Variants in KCNQ1 observed in about 807,000 individuals in gnomAD.
KCNQ1 encodes the protein potassium voltage-gated channel subfamily Q member 1.
Under a neutral mutation model 72.4 loss-of-function variants are expected in KCNQ1, and 49 were observed. That is an observed-to-expected ratio of 0.68 (90% CI 0.54 to 0.86). The LOEUF is 0.86. KCNQ1 is among the 40% of genes least tolerant of loss of function. KCNQ1 has a pLI of 0.00. For synonymous variants in KCNQ1, 450 were observed against 412.6 expected (o/e 1.09, Z -1.10); for missense variants, 790 against 945.1 (o/e 0.84, Z 2.15).
At chr11:2,524,597 A>G (rs1847462246) in intron 1 of KCNQ1, among the ~76,000 whole-genome samples, 1 of 152,164 alleles carries the variant, frequency 6.6e-6, no homozygotes, top group South Asian at 2.1e-4. Flanking sequence ...AACAGACAGC[A>G]ACTTAGTGGA....
chr11:2,628,554 A>T (rs1849297875), intron 10 of KCNQ1: 2 of 398,294 alleles, frequency 5.0e-6, no homozygotes, highest in African/African-American at 4.1e-5. Flanking sequence ...AGCTTATCAG[A>T]TATATGGTTG....
Position 2,579,083 on chromosome 11 carries a change from G to A in KCNQ1, c.922-4352G>A, listed in dbSNP as rs1251107654. ...AGCCAGGACCACCCCTTCCTTCTGG[G>A]CAAATGACTACCACGTTTCCAGCCG... On this transcript the variant is annotated intron_variant, in intron 6 of 15. Coordinates refer to ENST00000155840, the MANE Select transcript of KCNQ1 (RefSeq NM_000218.3). The surrounding 1 kb of genome is among the most constrained non-coding windows in gnomAD (Gnocchi z 6.0). Among the ~76,000 whole-genome samples, 1 of 152,158 alleles carries A rather than the reference G, an allele frequency of 6.6e-6. No homozygotes were observed. The highest frequency in any genetic ancestry group is 2.4e-5 in the African/African-American group (1 of 41,438).
chr11:2,585,223 CTCGGGGTTT>C lies in KCNQ1; in HGVS notation c.1045_1053del (p.Ser349_Phe351del). 1 of 1,614,072 alleles carries C rather than the reference CTCGGGGTTT, an allele frequency of 6.2e-7. No individual in the cohort carries two copies. The highest frequency in any genetic ancestry group is 1.1e-5 in the South Asian group (1 of 91,086). ...CCATTCCTTCCCAGGGGATTCTTGG[CTCGGGGTTT>C]GCCCTGAAGGTGCAGCAGAAGCAGA... On this transcript the variant is annotated inframe_deletion, in exon 8 of 16. Transcript: ENST00000155840.
intron 11 of KCNQ1, chr11:2,693,153 C>T (rs1487563155): frequency 5.0e-6 from 2 of 398,716 alleles, no homozygotes; most frequent in Non-Finnish European, 8.8e-6. Context: ...CCTCAGTCTA[C>T]ACTCTGTGAT....
At chr11:2,583,267 C>T (rs530413556) in intron 6 of KCNQ1, among the ~76,000 whole-genome samples, 168 bp from the exon 7 acceptor site, 7 of 152,252 alleles carry the variant, frequency 4.6e-5, no homozygotes, top group African/African-American at 1.7e-4. Flanking sequence ...CATGTGCCAT[C>T]CCGCGGCTCT....
rs1382544129 is a variant in KCNQ1, at chr11:2,782,542, T to G, written c.1794+4505T>G. On this transcript the variant is annotated intron_variant, in intron 15 of 15. Coordinates refer to ENST00000155840, the MANE Select transcript of KCNQ1 (RefSeq NM_000218.3). This position sits in a 1 kb window ranked among gnomAD's most constrained non-coding sequence, Gnocchi z 6.1. ...TTAGAATTTTATTTTCCTCAAATGT[T>G]TGGTGGAATTTAAAGGTAAAGACAT... Among the ~76,000 whole-genome samples, 1 of 152,204 alleles carries G rather than the reference T, an allele frequency of 6.6e-6. No homozygotes were observed. Among genetic ancestry groups the G allele is most frequent in the Non-Finnish European group, 1.5e-5 (1 of 68,034 alleles).
rs202061193 is a variant in KCNQ1 at position 2,493,987 on chromosome 11, A to AT, written c.387-33933dup. On this transcript the variant is annotated intron_variant, in intron 1 of 15. Transcript: ENST00000155840. This position sits in a 1 kb window ranked among gnomAD's most constrained non-coding sequence, Gnocchi z 5.3. ...GATTATTCCTATCCATGAGCATGGA[A>AT]TTTTTTTTCCATTTGTTTGTGTCCT... Among the ~76,000 whole-genome samples the AT allele has an allele frequency of 1.3e-5, 2 of 151,884 alleles. No individual in the cohort carries two copies. Among genetic ancestry groups the AT allele is most frequent in the Non-Finnish European group, 2.9e-5 (2 of 67,966 alleles).
At chr11:2,467,937 G>C (rs576697758) in intron 1 of KCNQ1, among the ~76,000 whole-genome samples, 1 of 152,234 alleles carries the variant, frequency 6.6e-6, no homozygotes, top group African/African-American at 2.4e-5. Context: ...AGGGCAGGGA[G>C]GCTGATGGGC....
At chr11:2,701,155 C>T (rs376743066) in intron 11 of KCNQ1, among the ~76,000 whole-genome samples, 16 of 152,368 alleles carry the variant, frequency 1.1e-4, no homozygotes, top group African/African-American at 3.8e-4. Flanking sequence ...TCTTCACTGC[C>T]TCTGCCGAAA....
In KCNQ1 at chr11:2,725,253, G is replaced by A. The variant is rs1256575375; in HGVS notation, c.1515-43591G>A. Among the ~76,000 whole-genome samples, 4 of 152,248 alleles carry A rather than the reference G, an allele frequency of 2.6e-5. No homozygotes were observed. Among genetic ancestry groups the A allele is most frequent in the African/African-American group, 9.6e-5 (4 of 41,460 alleles). On this transcript the variant is annotated intron_variant, in intron 11 of 15. Coordinates refer to ENST00000155840, the MANE Select transcript of KCNQ1 (RefSeq NM_000218.3). This position sits in a 1 kb window ranked among gnomAD's most constrained non-coding sequence, Gnocchi z 7.2. Reference sequence around the variant, plus strand: ...AAGTTCCCAGAATCCATCCGGGACAGACGGCTGGACTTGTGAAACACTCCA... The same window carrying A: ...AAGTTCCCAGAATCCATCCGGGACAAACGGCTGGACTTGTGAAACACTCCA...
chr11:2,447,584 A>T lies in KCNQ1; in HGVS notation c.386+2100A>T, dbSNP rs762847915. ...CAGTCTCTTGAGGGGAGACCTGGTC[A>T]TAGAACCAGGATGGCAGAGTAGCTG... On this transcript the variant is annotated intron_variant, in intron 1 of 15. Coordinates refer to ENST00000155840, the MANE Select transcript of KCNQ1 (RefSeq NM_000218.3). This position sits in a 1 kb window ranked among gnomAD's most constrained non-coding sequence, Gnocchi z 7.6. Among the ~76,000 whole-genome samples the T allele has an allele frequency of 7.9e-5, 12 of 152,130 alleles. No individual in the cohort carries two copies. The highest frequency in any genetic ancestry group is 1.3e-4 in the Non-Finnish European group (9 of 68,014).
In KCNQ1 at chr11:2,817,389, C is replaced by T. The variant is rs1315418279; in HGVS notation, c.1795-30378C>T. Among the ~76,000 whole-genome samples, 1 of 151,986 alleles carries T rather than the reference C, an allele frequency of 6.6e-6. No individual in the cohort carries two copies. The highest frequency in any genetic ancestry group is 2.1e-4 in the South Asian group (1 of 4,834). ...CCCCAGGAGGAGAATCACACCAGTG[C>T]CCCCTGACCCCCAGCCTTGTGCAGA... On this transcript the variant is annotated intron_variant, in intron 15 of 15. Transcript: ENST00000155840. The surrounding 1 kb of genome is among the most constrained non-coding windows in gnomAD (Gnocchi z 6.1).
intron 11 of KCNQ1, chr11:2,666,048 C>T: frequency 2.5e-6 from 1 of 398,666 alleles, no homozygotes; most frequent in East Asian, 3.6e-5. Flanking sequence ...AGATAGACGG[C>T]CCAAGAGGAC....
In KCNQ1 at chr11:2,515,217, C is replaced by T. The variant is rs117017419; in HGVS notation, c.387-12711C>T. On this transcript the variant is annotated intron_variant, in intron 1 of 15. Transcript: ENST00000155840. The surrounding 1 kb of genome is among the most constrained non-coding windows in gnomAD (Gnocchi z 4.7). ...TTGGAGTCCCAGAGTGACCTTTCTC[C>T]GTCTTTCTGTCCAAGCATCCCATCT... is the stretch of plus-strand genomic sequence containing the variant. Among the ~76,000 whole-genome samples, 2,475 of 152,242 alleles carry T rather than the reference C, an allele frequency of 0.016. 28 individuals carry two copies. The highest frequency in any genetic ancestry group is 0.023 in the Non-Finnish European group (1,591 of 68,006).
intron 6 of KCNQ1, among the ~76,000 whole-genome samples, chr11:2,573,519 G>A (rs1031041558): frequency 2.0e-5 from 3 of 152,218 alleles, no homozygotes; most frequent in Admixed American, 6.5e-5. Flanking sequence ...GAGAGCCCCC[G>A]TGTTTCCAGT....
intron 10 of KCNQ1, among the ~76,000 whole-genome samples, chr11:2,605,226 C>T (rs1848862688): frequency 6.6e-6 from 1 of 152,140 alleles, no homozygotes; most frequent in African/African-American, 2.4e-5. Flanking sequence ...AATATTTTCT[C>T]CCATCTGTAG....
chr11:2,467,873 C>T (rs1224186546), intron 1 of KCNQ1, among the ~76,000 whole-genome samples: 1 of 152,242 alleles, frequency 6.6e-6, no homozygotes, highest in South Asian at 2.1e-4. Flanking sequence ...GCCACCCGCA[C>T]TGGGGCTGCT....
At chr11:2,819,422 T>G (rs1490093220) in intron 15 of KCNQ1, among the ~76,000 whole-genome samples, 1 of 152,136 alleles carries the variant, frequency 6.6e-6, no homozygotes, top group African/African-American at 2.4e-5. Flanking sequence ...AGGGTAGAAG[T>G]CCAGTTGAAA....
Position 2,813,574 on chromosome 11 carries a change from A to G in KCNQ1, c.1795-34193A>G, listed in dbSNP as rs1032768005. 6.6e-6 allele frequency among the ~76,000 whole-genome samples: 1 copy of G among 152,152 alleles called. No individual in the cohort carries two copies. The highest frequency in any genetic ancestry group is 1.5e-5 in the Non-Finnish European group (1 of 68,010). ...CTGGAGCCATTCAGCCACATGGAGTATGTCCTCTGTCGAGGGGGCAGGGAC... is the reference window on the plus strand; with the variant it reads ...CTGGAGCCATTCAGCCACATGGAGTGTGTCCTCTGTCGAGGGGGCAGGGAC... On this transcript the variant is annotated intron_variant, in intron 15 of 15. Transcript: ENST00000155840. This position sits in a 1 kb window ranked among gnomAD's most constrained non-coding sequence, Gnocchi z 4.4.
Sources: gnomAD v4.1 joint callset for allele counts (sites outside exome capture counted in the v4.1 genomes callset) on GRCh38, gnomAD v4.1.1 for gene constraint, Gnocchi (gnomAD v3.1) non-coding constraint, MANE v1.5 for transcripts, NCBI Gene and HGNC (gene_info 2026-07-23, HGNC 2026-07-21) for gene names.